The following CYRIA variants were observed in gnomAD, a reference collection of about 807,000 sequenced individuals.
CYRIA encodes CYFIP related Rac1 interactor A.
A neutral mutation model predicts 43.9 loss-of-function variants in CYRIA; 15 were observed. The ratio of observed to expected loss-of-function variants is 0.34; its 90% CI spans 0.23 to 0.53. The LOEUF is 0.53. Ranked by LOEUF, CYRIA falls within the 20% of genes least tolerant of loss-of-function variation. The probability of loss-of-function intolerance (pLI) is 0.94; values close to 1 mark genes in which losing one functional copy is unlikely to be tolerated. For missense variants in CYRIA, 236 were observed against 394.2 expected (o/e 0.60, Z 3.40); for synonymous variants, 117 against 136.0 (o/e 0.86, Z 0.97).
rs116131227 is a variant in CYRIA, at chr2:16,571,546, T to C, written c.71-5779A>G. Among the ~76,000 whole-genome samples, 938 of 152,366 alleles carry C rather than the reference T, an allele frequency of 6.2e-3. 7 individuals are homozygous for C. The highest frequency in any genetic ancestry group is 0.022 in the African/African-American group (907 of 41,582). Reference sequence around the variant, plus strand: ...ATGCACCAGTAACATATACACATTTTCCTAACAACCCGTTTAGGACTGTAT... The same window carrying C: ...ATGCACCAGTAACATATACACATTTCCCTAACAACCCGTTTAGGACTGTAT... On this transcript the variant is annotated intron_variant, in intron 3 of 11. Coordinates refer to ENST00000381323, the MANE Select transcript of CYRIA (RefSeq NM_030797.4).
intron 1 of CYRIA, 103 bp downstream of exon 1, chr2:16,665,677 C>A: frequency 6.6e-6 from 1 of 150,824 alleles, no homozygotes; most frequent in South Asian, 1.8e-4. Flanking sequence ...GGGAGGCGCC[C>A]GCCCCGCCTC....
chr2:16,654,545 A>G (rs1670053529), intron 1 of CYRIA, among the ~76,000 whole-genome samples: 1 of 152,204 alleles, frequency 6.6e-6, no homozygotes. Context: ...GCTGTGTGGT[A>G]TGGAAACGTG....
At chr2:16,605,576 C>T (rs1205905029) in intron 2 of CYRIA, among the ~76,000 whole-genome samples, 1 of 152,168 alleles carries the variant, frequency 6.6e-6, no homozygotes, top group Non-Finnish European at 1.5e-5. Context: ...GGCAAGGGGC[C>T]CCAGAGACCC....
At chr2:16,658,091 G>A (rs555906211) in intron 1 of CYRIA, among the ~76,000 whole-genome samples, 1 of 152,272 alleles carries the variant, frequency 6.6e-6, no homozygotes, top group African/African-American at 2.4e-5. Context: ...TTAGGATAAG[G>A]AGATTGATCA....
intron 11 of CYRIA, among the ~76,000 whole-genome samples, chr2:16,553,931 C>A (rs980678111): frequency 6.6e-6 from 1 of 152,002 alleles, no homozygotes; most frequent in African/African-American, 2.4e-5. Flanking sequence ...CAGGAGAAAA[C>A]CTTAGTTTTT....
chr2:16,647,198 C>T (rs6704719), intron 1 of CYRIA, among the ~76,000 whole-genome samples: 1,907 of 152,276 alleles, frequency 0.013, 16 homozygotes, highest in Non-Finnish European at 0.018. Flanking sequence ...TACAATCTTC[C>T]TTCCAAAAAG....
At chr2:16,634,576 T>C (rs16982612) in intron 1 of CYRIA, among the ~76,000 whole-genome samples, 13,798 of 152,292 alleles carry the variant, frequency 0.091, 1,700 homozygotes, top group East Asian at 0.61. Flanking sequence ...AACTCCACTC[T>C]AACTGCTTTA....
At chr2:16,585,593 C>A (rs187172518) in intron 3 of CYRIA, among the ~76,000 whole-genome samples, 210 of 152,262 alleles carry the variant, frequency 1.4e-3, no homozygotes, top group African/African-American at 4.5e-3. Context: ...ATATGGGAAT[C>A]CAGTCCACAC....
intron 2 of CYRIA, among the ~76,000 whole-genome samples, chr2:16,588,705 AT>A (rs2103460043): frequency 6.6e-6 from 1 of 152,222 alleles, no homozygotes; most frequent in East Asian, 1.9e-4. Context: ...GAAAACATAT[AT>A]TTACACTGCC....
chr2:16,648,407 C>G (rs1475547561), intron 1 of CYRIA, among the ~76,000 whole-genome samples: 1 of 151,874 alleles, frequency 6.6e-6, no homozygotes, highest in Non-Finnish European at 1.5e-5. Flanking sequence ...GTCAAAAGCA[C>G]TATGTCAATA....
At chr2:16,571,988 T>G (rs1172888290) in intron 3 of CYRIA, among the ~76,000 whole-genome samples, 1 of 152,162 alleles carries the variant, frequency 6.6e-6, no homozygotes, top group Admixed American at 6.5e-5. Flanking sequence ...TTAGAGGACA[T>G]TAGTCATCTT....
intron 1 of CYRIA, among the ~76,000 whole-genome samples, chr2:16,659,019 G>T (rs958085001): frequency 3.3e-5 from 5 of 152,180 alleles, no homozygotes; most frequent in Admixed American, 6.5e-5. Flanking sequence ...TTTCTGTGTG[G>T]CATCCTCCGT....
intron 2 of CYRIA, among the ~76,000 whole-genome samples, chr2:16,602,156 A>AT (rs1207487406): frequency 2.0e-5 from 3 of 152,202 alleles, no homozygotes; most frequent in Non-Finnish European, 2.9e-5. Flanking sequence ...ATTTTCTAAC[A>AT]TTTTTTTAAA....
At chr2:16,601,797 G>C (rs1668219012) in intron 2 of CYRIA, among the ~76,000 whole-genome samples, 1 of 151,534 alleles carries the variant, frequency 6.6e-6, no homozygotes, top group East Asian at 1.9e-4. Flanking sequence ...AGAAAAATAA[G>C]TTGATAGCAT....
At chr2:16,572,342 T>G (rs1393348279) in intron 3 of CYRIA, among the ~76,000 whole-genome samples, 1 of 152,094 alleles carries the variant, frequency 6.6e-6, no homozygotes, top group Non-Finnish European at 1.5e-5. Context: ...TTTTTTTTTT[T>G]TGTCACGGAA....
intron 1 of CYRIA, among the ~76,000 whole-genome samples, chr2:16,648,911 T>G (rs2103545233): frequency 6.6e-6 from 1 of 152,310 alleles, no homozygotes; most frequent in East Asian, 1.9e-4. Flanking sequence ...CAAATATTAT[T>G]TTACTAAGAA....
At chr2:16,555,394 G>C (rs907448533) in intron 10 of CYRIA, among the ~76,000 whole-genome samples, 4 of 152,126 alleles carry the variant, frequency 2.6e-5, no homozygotes, top group African/African-American at 7.2e-5. Context: ...CCTGGCTTTA[G>C]GGACAAAGAC....
At chr2:16,581,174 G>A (rs1191850808) in intron 3 of CYRIA, among the ~76,000 whole-genome samples, 1 of 152,044 alleles carries the variant, frequency 6.6e-6, no homozygotes, top group Non-Finnish European at 1.5e-5. Context: ...AAGCCTACTA[G>A]GTAAAAATAT....
At chr2:16,654,664 A>C (rs143748950) in intron 1 of CYRIA, among the ~76,000 whole-genome samples, 1 of 152,146 alleles carries the variant, frequency 6.6e-6, no homozygotes, top group African/African-American at 2.4e-5. Context: ...TCTTAGCTTC[A>C]TTGTCTTTAT....
Sources: gnomAD v4.1 joint callset for allele counts (sites outside exome capture counted in the v4.1 genomes callset) on GRCh38, gnomAD v4.1.1 for gene constraint, MANE v1.5 for transcripts, NCBI Gene and HGNC (gene_info 2026-07-23, HGNC 2026-07-21) for gene names.